TJP1: variants seen among roughly 807,000 people sequenced by gnomAD.
The protein encoded by TJP1 is tight junction protein ZO-1.
Under a neutral mutation model 194.2 loss-of-function variants are expected in TJP1, and 43 were observed. The ratio of observed to expected loss-of-function variants is 0.22; its 90% CI spans 0.17 to 0.29. The LOEUF (loss-of-function observed/expected upper bound fraction) is 0.29. Ranked by LOEUF, TJP1 falls within the 10% of genes least tolerant of loss-of-function variation. The pLI, the probability that TJP1 is intolerant of heterozygous loss-of-function variation, is 1.00. For missense variants in TJP1, 1,971 were observed against 2,185.7 expected (o/e 0.90, Z 1.96); for synonymous variants, 801 against 779.0 (o/e 1.03, Z -0.47).
chr15:29,866,619 G>A (rs2052311478), intron 2 of TJP1, among the ~76,000 whole-genome samples: 1 of 151,996 alleles, frequency 6.6e-6, no homozygotes, highest in Admixed American at 6.6e-5. Flanking sequence ...GTATATTTAT[G>A]CAGAAAAAAA....
intron 2 of TJP1, among the ~76,000 whole-genome samples, chr15:29,883,724 CAGAAAAGAAA>C (rs994432143): frequency 6.6e-6 from 1 of 151,674 alleles, no homozygotes; most frequent in Non-Finnish European, 1.5e-5. Context: ...TTATGGCTTT[CAGAAAAGAAA>C]AGAAAAGAAA....
At chr15:29,784,173 C>T (rs1248782918) in intron 2 of TJP1, among the ~76,000 whole-genome samples, 1 of 151,950 alleles carries the variant, frequency 6.6e-6, no homozygotes, top group Non-Finnish European at 1.5e-5. Flanking sequence ...AAAATTGAAA[C>T]TAGGTACTGA....
At chr15:29,892,188 C>T (rs1415063998) in intron 2 of TJP1, among the ~76,000 whole-genome samples, 1 of 151,310 alleles carries the variant, frequency 6.6e-6, no homozygotes, top group African/African-American at 2.4e-5. Flanking sequence ...CCACAACATT[C>T]CCTTAAATCA....
intron 18 of TJP1, among the ~76,000 whole-genome samples, chr15:29,722,451 AGT>A (rs2042986717): frequency 6.6e-6 from 1 of 152,220 alleles, no homozygotes; most frequent in African/African-American, 2.4e-5. Flanking sequence ...CATGATGCTA[AGT>A]CTGCGGGTGC....
chr15:29,958,291 GTTTTTT>G (rs34187703), intron 1 of TJP1, among the ~76,000 whole-genome samples: 1 of 141,094 alleles, frequency 7.1e-6, no homozygotes, highest in Admixed American at 7.0e-5. Flanking sequence ...TCTCTTTTTA[GTTTTTT>G]TTTTTTTTAA....
chr15:29,872,247 T>A (rs1358923978), intron 2 of TJP1, among the ~76,000 whole-genome samples: 1 of 152,204 alleles, frequency 6.6e-6, no homozygotes, highest in Non-Finnish European at 1.5e-5. Flanking sequence ...ATTGTAAGCA[T>A]ACATGTGCAA....
At chr15:29,893,283 G>A (rs1370416998) in intron 2 of TJP1, among the ~76,000 whole-genome samples, 1 of 152,194 alleles carries the variant, frequency 6.6e-6, no homozygotes, top group Non-Finnish European at 1.5e-5. Context: ...AAAGACAATG[G>A]TTTCTCGAGA....
chr15:29,731,685 G>A (rs2043671165), intron 15 of TJP1, among the ~76,000 whole-genome samples: 1 of 152,142 alleles, frequency 6.6e-6, no homozygotes, highest in Admixed American at 6.5e-5. Context: ...GTAGTCCATT[G>A]AAGAAGGGAG....
chr15:29,813,785 G>A (rs973923053), intron 1 of TJP1, among the ~76,000 whole-genome samples: 2 of 152,120 alleles, frequency 1.3e-5, no homozygotes, highest in South Asian at 2.1e-4. Context: ...CTCTCTACCC[G>A]CACCATTAAA....
Position 29,772,159 on chromosome 15 carries a change from C to A in TJP1, c.217G>T (p.Asp73Tyr). ...ACTCCGTTAACCATTGCAACTCGGT[C>A]ATTTTCCCTAAGGGGAAAAGGGCAC... ...GPAEGQLQEN[D>Y]RVAMVNGVSM... Residue 73 changes from aspartate to tyrosine, a missense_variant, in exon 4 of 28, where the codon GAC becomes TAC. Around this residue, in one of 5 missense-constraint regions of TJP1, gnomAD observed 245 missense variants for 336.6 expected, o/e 0.73. Coordinates refer to ENST00000614355, the MANE Select transcript of TJP1 (RefSeq NM_001330239.4). 1.3e-6 allele frequency: 2 copies of A among 1,597,260 alleles called. No individual in the cohort carries two copies. The highest frequency in any genetic ancestry group is 2.3e-5 in the South Asian group (2 of 87,340).
At chr15:29,919,606 A>G (rs988077898) in intron 2 of TJP1, among the ~76,000 whole-genome samples, 60 of 152,132 alleles carry the variant, frequency 3.9e-4, no homozygotes, top group African/African-American at 1.2e-3. Flanking sequence ...GCTAGACTGG[A>G]AAGACCAGAG....
At chr15:29,796,689 T>C (rs1324401906) in intron 2 of TJP1, among the ~76,000 whole-genome samples, 1 of 152,216 alleles carries the variant, frequency 6.6e-6, no homozygotes, top group East Asian at 1.9e-4. Context: ...TTCTAAAATT[T>C]ATACAGAAAG....
chr15:29,938,187 A>G (rs1479209093), intron 2 of TJP1, among the ~76,000 whole-genome samples: 1 of 152,244 alleles, frequency 6.6e-6, no homozygotes, highest in Admixed American at 6.5e-5. Flanking sequence ...TTCATGCCAC[A>G]ATGGTATGGG....
intron 2 of TJP1, among the ~76,000 whole-genome samples, chr15:29,934,139 C>A (rs1478534375): frequency 1.3e-5 from 2 of 152,218 alleles, no homozygotes; most frequent in African/African-American, 4.8e-5. Context: ...ATGTTTCAAA[C>A]CAGTTAAGCA....
chr15:29,724,000 G>A lies in TJP1; in HGVS notation c.2412+2379C>T, dbSNP rs117427067. On this transcript the variant is annotated intron_variant, in intron 18 of 27. Coordinates refer to ENST00000614355, the MANE Select transcript of TJP1 (RefSeq NM_001330239.4). ...ATCAGAAAGTATTTCTTCCACTTCA[G>A]TATGGAATGAAGGACAAACATGAAA... 1.1e-4 allele frequency among the ~76,000 whole-genome samples: 17 copies of A among 152,332 alleles called. No homozygotes were observed. In the East Asian group the frequency reaches 3.1e-3, roughly 28 times the overall value.
chr15:29,936,429 C>CCTTGTTT (rs1458769575), intron 2 of TJP1, among the ~76,000 whole-genome samples: 10 of 152,190 alleles, frequency 6.6e-5, no homozygotes, highest in Admixed American at 6.5e-5. Flanking sequence ...TGTGCTCATT[C>CCTTGTTT]CTTGTTTCTT....
At chr15:29,881,670 A>G (rs2052935236) in intron 2 of TJP1, among the ~76,000 whole-genome samples, 1 of 152,176 alleles carries the variant, frequency 6.6e-6, no homozygotes, top group Non-Finnish European at 1.5e-5. Flanking sequence ...GCAGATTCCA[A>G]TTTGAACCAC....
intron 1 of TJP1, chr15:29,968,617 C>CGCTCCGCGCCTAGCCCGGCTGGG: frequency 2.1e-6 from 2 of 974,492 alleles, no homozygotes; most frequent in African/African-American, 1.8e-5. Flanking sequence ...GCCCCCGCCC[C>CGCTCCGCGCCTAGCCCGGCTGGG]GCTCCGCGCC....
chr15:29,840,947 G>A (rs370589287), intron 2 of TJP1, among the ~76,000 whole-genome samples: 64 of 152,312 alleles, frequency 4.2e-4, no homozygotes, highest in African/African-American at 1.4e-3. Context: ...CTAGGAGATA[G>A]CACTGTAGAT....
Sources: allele counts gnomAD v4.1 joint callset (sites outside exome capture counted in the v4.1 genomes callset), GRCh38; gene constraint gnomAD v4.1.1; regional missense constraint gnomAD v4.1.1; transcripts MANE v1.5; gene names NCBI Gene and HGNC (gene_info 2026-07-23, HGNC 2026-07-21).